Variants in CREB3L2 observed in about 807,000 individuals in gnomAD.
CREB3L2 encodes the protein cAMP responsive element binding protein 3 like 2.
Under a neutral mutation model 57.2 loss-of-function variants are expected in CREB3L2, and 23 were observed. The observed-to-expected ratio is 0.40, with a 90% CI of 0.29 to 0.57. CREB3L2 has a LOEUF of 0.57. Among genes scored for constraint, CREB3L2 ranks in the 20% least tolerant of loss-of-function variants. The pLI is 0.42. For missense variants in CREB3L2, 628 were observed against 634.7 expected, an observed-to-expected ratio of 0.99 and a Z score of 0.11; for synonymous variants, 268 against 265.1, an observed-to-expected ratio of 1.01 and a Z score of -0.11.
Position 137,989,764 on chromosome 7 carries a change from GC to G in CREB3L2, c.102+11839del, listed in dbSNP as rs147355242. Among the ~76,000 whole-genome samples the G allele has an allele frequency of 4.2e-3, 635 of 152,106 alleles. 4 individuals carry two copies. Among genetic ancestry groups the G allele is most frequent in the African/African-American group, 0.014 (576 of 41,460 alleles). ...TGAAAGTGAACTCATTATCTTCCCT[GC>G]CAAACTCATCCTCCCTCCAAATACT... is the stretch of plus-strand genomic sequence containing the variant. On this transcript the variant is annotated intron_variant, in intron 1 of 11. Coordinates refer to ENST00000330387, the MANE Select transcript of CREB3L2 (RefSeq NM_194071.4).
intron 1 of CREB3L2, among the ~76,000 whole-genome samples, chr7:137,974,608 C>A (rs1311537794): frequency 6.6e-6 from 1 of 152,114 alleles, no homozygotes; most frequent in African/African-American, 2.4e-5. Flanking sequence ...TGTTAATAGG[C>A]TACTGCAATA....
Position 138,001,490 on chromosome 7 carries a change from G to T in CREB3L2, c.102+114C>A. ...ACCTCGCCCAGGACCTCTTGATTCT[G>T]ACCATGCCCTGCCCCAAACCCTGCC... On this transcript the variant is annotated intron_variant, in intron 1 of 11. Coordinates refer to ENST00000330387, the MANE Select transcript of CREB3L2 (RefSeq NM_194071.4). The surrounding 1 kb of genome is among the most constrained non-coding windows in gnomAD (Gnocchi z 4.2). The T allele has an allele frequency of 1.4e-6, 1 of 717,994 alleles. No homozygotes were observed. Among genetic ancestry groups the T allele is most frequent in the South Asian group, 1.8e-5 (1 of 55,970 alleles). The allele number at this position is 717,994 out of a possible 1,614,324, so 44.5% of individuals were successfully genotyped here. A position where few individuals can be genotyped will look rare whatever the true frequency, so the allele number is the denominator to read the frequency against.
At chr7:137,918,345 G>A (rs181498753) in intron 2 of CREB3L2, among the ~76,000 whole-genome samples, 141 of 152,128 alleles carry the variant, frequency 9.3e-4, no homozygotes, top group East Asian at 5.6e-3. Context: ...TACACGCCAC[G>A]ACGCCCAGCT....
At chr7:137,933,199 A>AG (rs1410822428) in intron 1 of CREB3L2, among the ~76,000 whole-genome samples, 2 of 152,250 alleles carry the variant, frequency 1.3e-5, no homozygotes, top group Non-Finnish European at 2.9e-5. Flanking sequence ...TAACAAAAAG[A>AG]GAAATAAATA....
chr7:138,001,701 T>C lies in CREB3L2; in HGVS notation c.5A>G (p.Glu2Gly), dbSNP rs1402879780. 1 of 1,608,098 alleles carries C rather than the reference T, an allele frequency of 6.2e-7. No homozygotes were observed. Among genetic ancestry groups the C allele is most frequent in the South Asian group, 1.1e-5 (1 of 90,674 alleles). Residue 2 changes from glutamate to glycine, a missense_variant, in exon 1 of 12, where the codon GAG becomes GGG. By Grantham distance (98) the Glu-to-Gly change is moderately conservative (BLOSUM62 -2). Transcript: ENST00000330387. The surrounding 1 kb of genome is among the most constrained non-coding windows in gnomAD (Gnocchi z 4.2). M[E>G]VLESGEQGVL... ...GCCCTGCTCCCCGCTCTCCAGCACC[T>C]CCATGGCGGTGCGGGCCGCGCTGGG...
At chr7:137,949,775 C>T (rs1324043472) in intron 1 of CREB3L2, among the ~76,000 whole-genome samples, 1 of 152,130 alleles carries the variant, frequency 6.6e-6, no homozygotes, top group East Asian at 1.9e-4. Context: ...TAAATAGTGA[C>T]ATTTGCTTAG....
At chr7:137,915,138 A>C (rs1272091099) in intron 3 of CREB3L2, among the ~76,000 whole-genome samples, 1 of 152,158 alleles carries the variant, frequency 6.6e-6, no homozygotes, top group Non-Finnish European at 1.5e-5. Flanking sequence ...CAGGCTTCCA[A>C]CACTTGCAAG....
chr7:137,994,532 G>C (rs1210167717), intron 1 of CREB3L2, among the ~76,000 whole-genome samples: 2 of 152,148 alleles, frequency 1.3e-5, no homozygotes, highest in African/African-American at 2.4e-5. Context: ...TCAAGACATA[G>C]CCATAATCTC....
intron 1 of CREB3L2, among the ~76,000 whole-genome samples, chr7:137,987,735 G>T (rs1006864717): frequency 9.9e-5 from 15 of 152,154 alleles, no homozygotes; most frequent in African/African-American, 3.1e-4. Flanking sequence ...CCAGAGTGGC[G>T]CACAGTGGCA....
chr7:137,910,705 G>T (rs530434837), intron 4 of CREB3L2, among the ~76,000 whole-genome samples: 1 of 151,928 alleles, frequency 6.6e-6, no homozygotes, highest in Non-Finnish European at 1.5e-5. Flanking sequence ...TTCTAATACC[G>T]TTCTCCCGTC....
At position 137,879,624 on chromosome 7, in the gene CREB3L2, T is replaced by A; in HGVS notation, c.*852A>T. On this transcript the variant is annotated 3_prime_UTR_variant, in exon 12 of 12. Transcript: ENST00000330387. ...AAACATTGTCTGGAAAGACACGGGA[T>A]CCCAGAGCCTAGGGTGCCCTCCTAG... 4.0e-6 allele frequency: 1 copy of A among 246,930 alleles called. No homozygotes were observed. Among genetic ancestry groups the A allele is most frequent in the Non-Finnish European group, 7.9e-6 (1 of 126,838 alleles). The allele number at this position is 246,930 out of a possible 1,614,324, so 15.3% of individuals were successfully genotyped here.
chr7:137,893,750 G>A (rs1799566701), intron 8 of CREB3L2, among the ~76,000 whole-genome samples: 1 of 152,160 alleles, frequency 6.6e-6, no homozygotes, highest in Admixed American at 6.5e-5. Context: ...GAAGATCAAA[G>A]AAAAAGATTA....
chr7:137,883,011 G>A (rs910606787), intron 10 of CREB3L2, among the ~76,000 whole-genome samples: 5 of 152,200 alleles, frequency 3.3e-5, no homozygotes, highest in Non-Finnish European at 4.4e-5. Context: ...AGCATTCCCA[G>A]TGAGTAGGTC....
At chr7:137,972,788 C>G (rs1312350675) in intron 1 of CREB3L2, among the ~76,000 whole-genome samples, 1 of 111,208 alleles carries the variant, frequency 9.0e-6, no homozygotes, top group African/African-American at 3.3e-5. Flanking sequence ...AAAGAAAAAC[C>G]TAGGATAAAG....
chr7:137,905,623 G>A (rs273968), intron 6 of CREB3L2, 79 bp downstream of exon 6: 929,339 of 1,491,842 alleles, frequency 0.62, 296,072 homozygotes, highest in African/African-American at 0.92. Flanking sequence ...AGTGCTGGCC[G>A]TTGGGAAGGC....
intron 1 of CREB3L2, among the ~76,000 whole-genome samples, chr7:137,987,206 T>C (rs1252372523): frequency 6.6e-6 from 1 of 152,208 alleles, no homozygotes; most frequent in Non-Finnish European, 1.5e-5. Flanking sequence ...AGTCAGGTTC[T>C]TTGGTTACAA....
chr7:137,948,209 C>G (rs1329134976), intron 1 of CREB3L2, among the ~76,000 whole-genome samples: 1 of 152,228 alleles, frequency 6.6e-6, no homozygotes, highest in Non-Finnish European at 1.5e-5. Context: ...ATGTGTCAGT[C>G]AATTGTGCTA....
At chr7:137,962,464 C>A (rs1434067068) in intron 1 of CREB3L2, among the ~76,000 whole-genome samples, 1 of 152,106 alleles carries the variant, frequency 6.6e-6, no homozygotes, top group Admixed American at 6.5e-5. Flanking sequence ...CCTCCTTCCC[C>A]TTCCCTGAGG....
chr7:137,948,877 G>T (rs1161358646), intron 1 of CREB3L2, among the ~76,000 whole-genome samples: 1 of 152,194 alleles, frequency 6.6e-6, no homozygotes, highest in Non-Finnish European at 1.5e-5. Context: ...ATGAGTTTCA[G>T]TGATGATGAT....
Sources: allele counts gnomAD v4.1 joint callset (sites outside exome capture counted in the v4.1 genomes callset), GRCh38; gene constraint gnomAD v4.1.1; non-coding constraint Gnocchi (gnomAD v3.1); transcripts MANE v1.5; gene names NCBI Gene and HGNC (gene_info 2026-07-23, HGNC 2026-07-21).